ZBTB46: variants seen among roughly 807,000 people sequenced by gnomAD.
ZBTB46 encodes zinc finger and BTB domain containing 46, also known as zinc finger and BTB domain-containing protein 46.
ZBTB46 carries 8 observed loss-of-function variants against 44.1 expected under a neutral mutation model. The observed-to-expected ratio is 0.18, with a 90% CI of 0.11 to 0.33. ZBTB46 has a LOEUF of 0.33. Among genes scored for constraint, ZBTB46 ranks in the 10% least tolerant of loss-of-function variants. ZBTB46 has a pLI of 1.00. For missense variants in ZBTB46, 651 were observed against 847.7 expected (o/e 0.77, Z 2.88); for synonymous variants, 409 against 382.3 (o/e 1.07, Z -0.81).
chr20:63,815,916 G>A (rs1168601496), intron 1 of ZBTB46, among the ~76,000 whole-genome samples: 3 of 150,196 alleles, frequency 2.0e-5, no homozygotes, highest in Non-Finnish European at 4.4e-5. Flanking sequence ...AGTGGACACA[G>A]GTGGGCACAG....
intron 3 of ZBTB46, among the ~76,000 whole-genome samples, chr20:63,759,002 G>C (rs919365391): frequency 6.6e-6 from 1 of 152,236 alleles, no homozygotes; most frequent in Non-Finnish European, 1.5e-5. Flanking sequence ...AAAGTGCTGG[G>C]ATGACAGGCG....
chr20:63,830,817 C>T (rs1344350692), intron 1 of ZBTB46, among the ~76,000 whole-genome samples: 2 of 144,498 alleles, frequency 1.4e-5, no homozygotes, highest in Admixed American at 1.4e-4. Flanking sequence ...GCGGGGAACC[C>T]GCGCCGCCCC....
intron 3 of ZBTB46, 23 bp downstream of exon 3, chr20:63,775,655 C>A (rs201742100): frequency 1.3e-6 from 2 of 1,528,806 alleles, no homozygotes; most frequent in East Asian, 2.3e-5. Flanking sequence ...CAAAGCCAAG[C>A]GGCCCCCAGG....
chr20:63,831,485 C>T (rs1471119578), upstream of ZBTB46, among the ~76,000 whole-genome samples: 2 of 145,978 alleles, frequency 1.4e-5, no homozygotes, highest in African/African-American at 2.5e-5. Context: ...CGCAGGGGGC[C>T]GCGCCGGGGG....
chr20:63,806,589 T>C (rs1428720253), intron 1 of ZBTB46, among the ~76,000 whole-genome samples: 1 of 152,098 alleles, frequency 6.6e-6, no homozygotes, highest in Non-Finnish European at 1.5e-5. Flanking sequence ...GGCAACACTA[T>C]GCTCTCAAGG....
intron 1 of ZBTB46, among the ~76,000 whole-genome samples, chr20:63,802,785 G>A (rs976374921): frequency 5.8e-5 from 8 of 137,370 alleles, no homozygotes; most frequent in African/African-American, 2.0e-4. Context: ...CCCAGGAACC[G>A]CCGTGGCCGA....
intron 2 of ZBTB46, among the ~76,000 whole-genome samples, chr20:63,778,551 T>G (rs1311624164): frequency 6.6e-6 from 1 of 152,212 alleles, no homozygotes; most frequent in South Asian, 2.1e-4. Context: ...GCCCAGCAGC[T>G]GAGAGCTGGG....
upstream of ZBTB46, among the ~76,000 whole-genome samples, chr20:63,831,416 A>G (rs1302519891): frequency 6.5e-5 from 9 of 139,082 alleles, no homozygotes; most frequent in African/African-American, 2.3e-4. Flanking sequence ...GGCCCCGCCC[A>G]CGCCGGCCCG....
intron 1 of ZBTB46, among the ~76,000 whole-genome samples, chr20:63,800,573 G>A (rs1206678281): frequency 1.3e-5 from 2 of 152,258 alleles, no homozygotes; most frequent in African/African-American, 4.8e-5. Context: ...GGAGAGGCGT[G>A]GGCGGGAACC....
At chr20:63,763,051 G>C (rs2092290897) in intron 3 of ZBTB46, among the ~76,000 whole-genome samples, 1 of 152,034 alleles carries the variant, frequency 6.6e-6, no homozygotes, top group African/African-American at 2.4e-5. Context: ...TTAGAGATGG[G>C]GTCTTGCTAA....
rs1397056285 is a variant in ZBTB46 at position 63,743,978 on chromosome 20, C to T, written c.*2952G>A. 1 of 152,412 alleles carries T rather than the reference C, an allele frequency of 6.6e-6. No individual in the cohort carries two copies. The highest frequency in any genetic ancestry group is 1.5e-5 in the Non-Finnish European group (1 of 68,026). 9.4% of individuals were successfully genotyped at this position (152,412 alleles called of 1,614,324 possible). A position where few individuals can be genotyped will look rare whatever the true frequency, so the allele number is the denominator to read the frequency against. On this transcript the variant is annotated 3_prime_UTR_variant, in exon 5 of 5. Transcript: ENST00000245663. ...AAAATCAACAATCTTCAAACACTGC[C>T]CTTTTTTTGTGTGTTTTGTTTTTGT...
intron 3 of ZBTB46, among the ~76,000 whole-genome samples, chr20:63,774,368 C>T (rs997794424): frequency 1.3e-5 from 2 of 152,160 alleles, no homozygotes; most frequent in African/African-American, 4.8e-5. Flanking sequence ...TTTAGAGCAG[C>T]GTAAAGAAAC....
chr20:63,778,298 CT>C (rs779860797), intron 2 of ZBTB46, among the ~76,000 whole-genome samples: 8 of 152,230 alleles, frequency 5.3e-5, no homozygotes, highest in Non-Finnish European at 1.2e-4. Context: ...CCAGCCAGGG[CT>C]TTGTGGAGTA....
At chr20:63,775,205 A>G (rs2092414093) in intron 3 of ZBTB46, 1 of 157,542 alleles carries the variant, frequency 6.3e-6, no homozygotes, top group Admixed American at 6.4e-5. Flanking sequence ...CACCAGCATC[A>G]TCCAGCGAAG....
chr20:63,804,560 A>ATG (rs2092669510), intron 1 of ZBTB46, among the ~76,000 whole-genome samples: 1 of 152,040 alleles, frequency 6.6e-6, no homozygotes, highest in African/African-American at 2.4e-5. Context: ...CCACATCTCA[A>ATG]TGCTGGACAG....
chr20:63,759,178 C>G (rs2092252281), intron 3 of ZBTB46, among the ~76,000 whole-genome samples: 1 of 151,856 alleles, frequency 6.6e-6, no homozygotes, highest in South Asian at 2.1e-4. Context: ...TAATTTATTC[C>G]TAGGCATTTG....
Position 63,799,358 on chromosome 20 carries a change from T to G in ZBTB46, c.-33-8568A>C, listed in dbSNP as rs555296760. On this transcript the variant is annotated intron_variant, in intron 1 of 4. Coordinates refer to ENST00000245663, the MANE Select transcript of ZBTB46 (RefSeq NM_001369741.1). Reference sequence around the variant, plus strand: ...TGTGGCCTGGTGAGACTAACTTTTTTTTTTCTTTTAGATGGAGTCTTGCTG... The same window carrying G: ...TGTGGCCTGGTGAGACTAACTTTTTGTTTTCTTTTAGATGGAGTCTTGCTG... Among the ~76,000 whole-genome samples the G allele has an allele frequency of 4.2e-3, 612 of 146,164 alleles. 2 individuals are homozygous for G. Among genetic ancestry groups the G allele is most frequent in the African/African-American group, 0.015 (571 of 39,256 alleles).
At chr20:63,747,883 G>A (rs987238258) in intron 4 of ZBTB46, among the ~76,000 whole-genome samples, 1 of 152,194 alleles carries the variant, frequency 6.6e-6, no homozygotes, top group Non-Finnish European at 1.5e-5. Flanking sequence ...ACCGGCCTCT[G>A]CCTAAAAGCC....
intron 1 of ZBTB46, among the ~76,000 whole-genome samples, chr20:63,796,417 G>A (rs2092604773): frequency 6.6e-6 from 1 of 152,238 alleles, no homozygotes; most frequent in Non-Finnish European, 1.5e-5. Flanking sequence ...GGGCAAGAAC[G>A]ACCCTCTCAA....
Sources: gnomAD v4.1 joint callset for allele counts (sites outside exome capture counted in the v4.1 genomes callset) on GRCh38, gnomAD v4.1.1 for gene constraint, MANE v1.5 for transcripts, NCBI Gene and HGNC (gene_info 2026-07-23, HGNC 2026-07-21) for gene names.